Variants in FMNL2 observed in about 807,000 individuals in gnomAD.
FMNL2 encodes the protein formin like 2, also known as formin-like protein 2.
In FMNL2, 51 loss-of-function variants were observed where a neutral mutation model predicts 130.2. The observed-to-expected ratio is 0.39, with a 90% confidence interval of 0.31 to 0.49. The LOEUF is 0.49. Among genes scored for constraint, FMNL2 ranks in the 20% least tolerant of loss-of-function variants. FMNL2 has a pLI of 0.85. For missense variants in FMNL2, 977 were observed against 1,316.2 expected (o/e 0.74, Z 3.99); for synonymous variants, 465 against 467.1 (o/e 1.00, Z 0.06).
At chr2:152,413,090 A>G (rs113109771) in intron 1 of FMNL2, among the ~76,000 whole-genome samples, 2,459 of 152,246 alleles carry the variant, frequency 0.016, 46 homozygotes, top group Non-Finnish European at 0.024. Context: ...GTTAACAGAT[A>G]TAAAACATAA....
chr2:152,646,686 A>G (rs114083022), intron 25 of FMNL2, among the ~76,000 whole-genome samples: 5 of 152,206 alleles, frequency 3.3e-5, no homozygotes, highest in Admixed American at 6.5e-5. Context: ...AAAAGATTCA[A>G]TTTGGTTTAA....
intron 1 of FMNL2, among the ~76,000 whole-genome samples, chr2:152,355,205 T>C (rs1266387841): frequency 6.6e-6 from 1 of 152,184 alleles, no homozygotes; most frequent in Non-Finnish European, 1.5e-5. Flanking sequence ...CTAATGCTCA[T>C]GATGGTAACT....
chr2:152,501,182 A>G (rs1258112451), intron 1 of FMNL2, among the ~76,000 whole-genome samples: 1 of 152,252 alleles, frequency 6.6e-6, no homozygotes, highest in Non-Finnish European at 1.5e-5. Context: ...ATTCCCAAAT[A>G]GAGTCCTCAA....
chr2:152,557,460 T>C (rs936369521), intron 4 of FMNL2, among the ~76,000 whole-genome samples: 7 of 152,220 alleles, frequency 4.6e-5, no homozygotes, highest in Admixed American at 4.6e-4. Flanking sequence ...TCTTTCCACT[T>C]TCCCACTTTG....
intron 1 of FMNL2, among the ~76,000 whole-genome samples, chr2:152,492,681 A>C (rs1322107208): frequency 6.6e-6 from 1 of 152,212 alleles, no homozygotes; most frequent in East Asian, 1.9e-4. Flanking sequence ...CTAGCATTTT[A>C]AAAGATCTGG....
At chr2:152,442,227 CCTTTTTCTTTTTTTCTTTCTTTTT>C (rs1175346493) in intron 1 of FMNL2, among the ~76,000 whole-genome samples, 1 of 151,876 alleles carries the variant, frequency 6.6e-6, no homozygotes, top group Admixed American at 6.6e-5. Context: ...TCACTTCTGT[CCTTTTTCTTTTTTTCTTTCTTTTT>C]CTTTTTCTTT....
chr2:152,578,429 C>T (rs907154583), intron 7 of FMNL2, among the ~76,000 whole-genome samples: 2 of 152,062 alleles, frequency 1.3e-5, no homozygotes, highest in Non-Finnish European at 2.9e-5. Flanking sequence ...AATTGAGATT[C>T]GGAGTAAATG....
At chr2:152,634,540 AATCTGTGCTTCT>A (rs1165297068) in intron 21 of FMNL2, among the ~76,000 whole-genome samples, 1 of 152,232 alleles carries the variant, frequency 6.6e-6, no homozygotes, top group Admixed American at 6.5e-5. Context: ...TAGTGAAAAA[AATCTGTGCTTCT>A]AGATTCAACA....
At position 152,355,507 on chromosome 2, in the gene FMNL2, T is replaced by C. The variant is rs961251924; in HGVS notation, c.117+19787T>C. 2.0e-5 allele frequency among the ~76,000 whole-genome samples: 3 copies of C among 152,214 alleles called. No homozygotes were observed. The South Asian group carries it at 6.2e-4, about 32-fold the overall frequency. On this transcript the variant is annotated intron_variant, in intron 1 of 25. Transcript: ENST00000288670. ...GCTTTAGGTTTTTCTCATGTCCCAG[T>C]GACTAAGCTTGCTTTTGGGTGGTTC...
intron 7 of FMNL2, chr2:152,578,645 C>A: frequency 7.9e-6 from 2 of 252,792 alleles, no homozygotes; most frequent in Non-Finnish European, 1.5e-5. Flanking sequence ...TCAAGCTGTA[C>A]CCCCCGCCTC....
chr2:152,335,778 G>A, intron 1 of FMNL2, 58 bp downstream of exon 1: 1 of 1,229,460 alleles, frequency 8.1e-7, no homozygotes, highest in Non-Finnish European at 1.1e-6. Flanking sequence ...GGGCGGCGCA[G>A]CTGACCCCCG....
intron 1 of FMNL2, among the ~76,000 whole-genome samples, chr2:152,344,262 C>T (rs948684359): frequency 6.6e-6 from 1 of 152,134 alleles, no homozygotes; most frequent in African/African-American, 2.4e-5. Context: ...TTTAAAAGCT[C>T]CCTAGAAGGT....
chr2:152,550,689 CT>C (rs1694887662), intron 4 of FMNL2, among the ~76,000 whole-genome samples: 1 of 152,290 alleles, frequency 6.6e-6, no homozygotes, highest in South Asian at 2.1e-4. Flanking sequence ...TAGTTTAATA[CT>C]TTTGGGCATT....
intron 1 of FMNL2, among the ~76,000 whole-genome samples, chr2:152,520,058 T>G (rs1014532562): frequency 2.6e-5 from 4 of 152,156 alleles, no homozygotes; most frequent in African/African-American, 9.7e-5. Context: ...CATGAAATTC[T>G]CCTTTGCCTT....
chr2:152,549,779 G>A (rs1473147396), intron 4 of FMNL2, among the ~76,000 whole-genome samples: 5 of 152,138 alleles, frequency 3.3e-5, no homozygotes, highest in Middle Eastern at 3.2e-3. Context: ...AAAACAAGAT[G>A]GCTTCTCTCT....
At chr2:152,353,618 C>T (rs1243796836) in intron 1 of FMNL2, among the ~76,000 whole-genome samples, 1 of 152,142 alleles carries the variant, frequency 6.6e-6, no homozygotes, top group Non-Finnish European at 1.5e-5. Flanking sequence ...ATTGATTGAC[C>T]TTTCTAAGCC....
chr2:152,373,947 G>A (rs1684029438), intron 1 of FMNL2, among the ~76,000 whole-genome samples: 1 of 151,938 alleles, frequency 6.6e-6, no homozygotes, highest in South Asian at 2.1e-4. Context: ...GCTAGGAGGT[G>A]TTCTTTGCAT....
intron 1 of FMNL2, among the ~76,000 whole-genome samples, chr2:152,412,935 A>T (rs1256464262): frequency 6.6e-6 from 1 of 152,214 alleles, no homozygotes; most frequent in Non-Finnish European, 1.5e-5. Flanking sequence ...ATGGTTGAAT[A>T]GCAGCAATCT....
chr2:152,636,708 T>C (rs1434274616), intron 22 of FMNL2, 118 bp downstream of exon 22: 1 of 1,227,122 alleles, frequency 8.1e-7, no homozygotes, highest in Non-Finnish European at 1.1e-6. Flanking sequence ...GAGGGTAGCT[T>C]TCTTGTTGTA....
Sources: gnomAD v4.1 joint callset for allele counts (sites outside exome capture counted in the v4.1 genomes callset) on GRCh38, gnomAD v4.1.1 for gene constraint, MANE v1.5 for transcripts, NCBI Gene and HGNC (gene_info 2026-07-23, HGNC 2026-07-21) for gene names.